The following MROH1 variants were observed in gnomAD, a reference collection of about 807,000 sequenced individuals.
MROH1 encodes maestro heat like repeat family member 1.
A neutral mutation model predicts 116.5 loss-of-function variants in MROH1; 117 were observed. The ratio of observed to expected loss-of-function variants is 1.00; its 90% confidence interval spans 0.86 to 1.17. The LOEUF (loss-of-function observed/expected upper bound fraction) is 1.17. MROH1 is among the 50% of genes most tolerant of loss of function. The pLI, the probability that MROH1 is intolerant of heterozygous loss-of-function variation, is 0.00. For missense variants in MROH1, 1,873 were observed against 1,338.5 expected (o/e 1.40, Z -6.23); for synonymous variants, 921 against 583.9 (o/e 1.58, Z -8.32).
intron 33 of MROH1, among the ~76,000 whole-genome samples, chr8:144,253,941 T>C (rs1843254162): frequency 6.6e-6 from 1 of 151,692 alleles, no homozygotes; most frequent in Admixed American, 6.6e-5. Flanking sequence ...CAGGTGGGGG[T>C]TGCTTTTCCT....
At position 144,239,177 on chromosome 8, in the gene MROH1, A is replaced by G. The variant is rs1840541973; in HGVS notation, c.1589A>G (p.His530Arg). ...ADAFLIQYDA[H>R]ASLPSPYAVT... ...GCCTTCCTCATCCAGTACGACGCCC[A>G]TGGTGCGTGCCGCGCCGTACCCCAC... Residue 530 changes from histidine (H) to arginine (R), a missense_variant and splice_region_variant, in exon 16 of 44, where the codon CAT becomes CGT. Transcript: ENST00000326134. 9 of 762,494 alleles carry G rather than the reference A, an allele frequency of 1.2e-5. No homozygotes were observed. The highest frequency in any genetic ancestry group is 1.1e-4 in the South Asian group (8 of 73,910). The allele number at this position is 762,494 out of a possible 1,614,324, so 47.2% of individuals were successfully genotyped here. A position where few individuals can be genotyped will look rare whatever the true frequency, so the allele number is the denominator to read the frequency against.
rs1297571092 is a variant in MROH1, at chr8:144,259,406, G to A, written c.4044+52G>A. 30 of 713,522 alleles carry A rather than the reference G, an allele frequency of 4.2e-5. No individual in the cohort carries two copies. In the Middle Eastern group the frequency reaches 1.1e-3, roughly 26 times the overall value. 44.2% of individuals were successfully genotyped at this position (713,522 alleles called of 1,614,324 possible). A position where few individuals can be genotyped will look rare whatever the true frequency, so the allele number is the denominator to read the frequency against. On this transcript the variant is annotated intron_variant, in intron 37 of 43. Transcript: ENST00000326134. ...GGCACCAAGGTGGGGCTCCTGCTCA[G>A]GACAGGCACGGGATGCCCTTTTCTT...
At chr8:144,192,508 G>A (rs1046855761) in intron 10 of MROH1, 107 bp downstream of exon 10, 34 of 910,462 alleles carry the variant, frequency 3.7e-5, no homozygotes, top group Middle Eastern at 4.1e-4. Flanking sequence ...GCTCAGCCAC[G>A]TGGGGCTGAG....
chr8:144,243,149 C>G (rs2132965624), intron 24 of MROH1, among the ~76,000 whole-genome samples: 1 of 152,386 alleles, frequency 6.6e-6, no homozygotes, highest in South Asian at 2.1e-4. Context: ...AATAGGCCCT[C>G]TGGTTCTCCT....
chr8:144,168,233 C>T (rs1821433771), intron 3 of MROH1, 62 bp from the exon 4 acceptor site: 4 of 1,485,974 alleles, frequency 2.7e-6, no homozygotes, highest in Admixed American at 2.2e-5. Context: ...GGAGTGGCAG[C>T]CGAGGTGTGA....
Position 144,243,520 on chromosome 8 carries a change from C to T in MROH1, c.2379C>T (p.Val793=). The T allele has an allele frequency of 3.8e-6, 3 of 780,110 alleles. No homozygotes were observed. Among genetic ancestry groups the T allele is most frequent in the Admixed American group, 1.7e-5 (1 of 59,036 alleles). 48.3% of individuals were successfully genotyped at this position (780,110 alleles called of 1,614,324 possible). The change falls in exon 25 of 44, where the codon GTC becomes GTT. Residue 793 remains valine, a synonymous_variant. Transcript: ENST00000326134. The part of the protein sequence containing the change: ...TKDPALKLCL[V]QSVCMVSRAI... ...ACCCAGCCCTGAAGCTGTGCCTTGT[C>T]CAGAGTGTGTGCATGGTCAGCCGCG...
chr8:144,240,758 C>A (rs1351610672), intron 20 of MROH1, 81 bp downstream of exon 20: 10 of 699,554 alleles, frequency 1.4e-5, no homozygotes, highest in Non-Finnish European at 2.6e-5. Flanking sequence ...GCTGTCTGGG[C>A]CCTGTCTCCC....
At chr8:144,165,341 A>G (rs1231703097) in intron 3 of MROH1, among the ~76,000 whole-genome samples, 2 of 150,872 alleles carry the variant, frequency 1.3e-5, no homozygotes, top group Non-Finnish European at 3.0e-5. Flanking sequence ...CTGGTCTCAA[A>G]CTCCTGACCT....
chr8:144,241,188 G>A, intron 21 of MROH1, 77 bp downstream of exon 21: 2 of 711,354 alleles, frequency 2.8e-6, no homozygotes, highest in Non-Finnish European at 5.2e-6. Flanking sequence ...CTCTGAGGCA[G>A]CTGGCTAGCC....
At chr8:144,241,659 C>T (rs1841000068) in intron 22 of MROH1, 142 bp downstream of exon 22, 1 of 722,648 alleles carries the variant, frequency 1.4e-6, no homozygotes, top group African/African-American at 1.7e-5. Flanking sequence ...CTTCCATGGG[C>T]AGGACCTGTG....
chr8:144,257,824 G>T (rs1844184233), intron 35 of MROH1, among the ~76,000 whole-genome samples: 1 of 152,262 alleles, frequency 6.6e-6, no homozygotes, highest in African/African-American at 2.4e-5. Context: ...TGGGCCAGGT[G>T]CTCCTGAGGA....
intron 14 of MROH1, among the ~76,000 whole-genome samples, chr8:144,236,454 C>T (rs1429603788): frequency 6.6e-6 from 1 of 152,108 alleles, no homozygotes; most frequent in Non-Finnish European, 1.5e-5. Flanking sequence ...ATTTAGTCAG[C>T]ATCAGGCCGG....
At position 144,260,660 on chromosome 8, in the gene MROH1, C is replaced by T. The variant is rs1844867789; in HGVS notation, c.4381-17C>T. The T allele has an allele frequency of 2.6e-6, 2 of 777,672 alleles. No homozygotes were observed. Among genetic ancestry groups the T allele is most frequent in the African/African-American group, 1.7e-5 (1 of 59,144 alleles). The allele number at this position is 777,672 out of a possible 1,614,324, so 48.2% of individuals were successfully genotyped here. A position where few individuals can be genotyped will look rare whatever the true frequency, so the allele number is the denominator to read the frequency against. On this transcript the variant is annotated splice_polypyrimidine_tract_variant and intron_variant, in intron 39 of 43. Transcript: ENST00000326134. ...GGCACAGCCTGTGAGGAGACGTATG[C>T]TGCATGTCCTTCCCAGGAGAAGATG...
At chr8:144,247,953 C>T (rs1034778033) in intron 31 of MROH1, among the ~76,000 whole-genome samples, 13 of 152,246 alleles carry the variant, frequency 8.5e-5, no homozygotes, top group Admixed American at 5.2e-4. Flanking sequence ...GAATGGGGTG[C>T]CATGAGGCAC....
intron 4 of MROH1, among the ~76,000 whole-genome samples, chr8:144,171,670 G>A (rs763935208): frequency 3.0e-4 from 45 of 152,144 alleles, no homozygotes; most frequent in Non-Finnish European, 4.9e-4. Flanking sequence ...TCCTTATTCC[G>A]CCATGCAGAA....
intron 12 of MROH1, among the ~76,000 whole-genome samples, chr8:144,205,754 C>A (rs1457333662): frequency 6.6e-6 from 1 of 152,176 alleles, no homozygotes; most frequent in Non-Finnish European, 1.5e-5. Context: ...TTCCCTGTTA[C>A]ATGTGTGTTG....
chr8:144,196,681 G>C (rs1409048302), intron 10 of MROH1, among the ~76,000 whole-genome samples: 2 of 151,840 alleles, frequency 1.3e-5, no homozygotes, highest in Non-Finnish European at 2.9e-5. Flanking sequence ...TATTTAATCT[G>C]TCTGGGATTT....
chr8:144,186,880 C>CGGA (rs1205277957), intron 7 of MROH1, among the ~76,000 whole-genome samples: 3 of 151,900 alleles, frequency 2.0e-5, no homozygotes, highest in Non-Finnish European at 4.4e-5. Context: ...ATTGCCTGAG[C>CGGA]TCAGGAGTTT....
intron 29 of MROH1, 56 bp from the exon 30 acceptor site, chr8:144,247,236 CAGGTGGCAT>C: frequency 1.4e-6 from 1 of 737,042 alleles, no homozygotes; most frequent in Non-Finnish European, 2.5e-6. Context: ...CCTCTGGGTA[CAGGTGGCAT>C]AGGTGGCATC....
Sources: allele counts gnomAD v4.1 joint callset (sites outside exome capture counted in the v4.1 genomes callset), GRCh38; gene constraint gnomAD v4.1.1; transcripts MANE v1.5; gene names NCBI Gene and HGNC (gene_info 2026-07-23, HGNC 2026-07-21).